CRIM1: variants seen among roughly 807,000 people sequenced by gnomAD.
CRIM1 encodes the protein cysteine-rich motor neuron 1 protein.
A neutral mutation model predicts 116.4 loss-of-function variants in CRIM1; 32 were observed. The observed-to-expected ratio is 0.27, with a 90% CI of 0.21 to 0.37. The LOEUF (loss-of-function observed/expected upper bound fraction) is 0.37, where lower values mean the gene tolerates loss of function less well. Among genes scored for constraint, CRIM1 ranks in the 10% least tolerant of loss-of-function variants. The pLI is 1.00. For missense variants in CRIM1, 1,331 were observed against 1,354.8 expected, an observed-to-expected ratio of 0.98 and a Z score of 0.28; for synonymous variants, 590 against 509.2, an observed-to-expected ratio of 1.16 and a Z score of -2.13.
rs532188809 is a variant in CRIM1 at position 36,530,552 on chromosome 2, T to C, written c.2429-6800T>C. 1.7e-3 allele frequency among the ~76,000 whole-genome samples: 258 copies of C among 152,324 alleles called. 1 individual carries two copies. Among genetic ancestry groups the C allele is most frequent in the African/African-American group, 5.9e-3 (244 of 41,584 alleles). ...TTGTTAGAAAGTGAAATGAAAGTGG[T>C]ATTTTATTCCTTTGTGGCTTAGAGA... On this transcript the variant is annotated intron_variant, in intron 13 of 16. Coordinates refer to ENST00000280527, the MANE Select transcript of CRIM1 (RefSeq NM_016441.3).
chr2:36,357,422 C>T (rs1054510925), intron 1 of CRIM1, among the ~76,000 whole-genome samples: 7 of 152,096 alleles, frequency 4.6e-5, no homozygotes, highest in African/African-American at 1.7e-4. Context: ...GATTGTTCTG[C>T]TGGCTTCTCC....
chr2:36,377,852 C>T (rs1670438557), intron 1 of CRIM1, among the ~76,000 whole-genome samples: 1 of 152,144 alleles, frequency 6.6e-6, no homozygotes, highest in South Asian at 2.1e-4. Context: ...CATTTACTCC[C>T]TGGCTGCTGG....
chr2:36,546,049 T>G (rs1314049510), intron 15 of CRIM1, among the ~76,000 whole-genome samples: 2 of 152,060 alleles, frequency 1.3e-5, no homozygotes, highest in Non-Finnish European at 2.9e-5. Context: ...AAAATCTGAG[T>G]TTTAAACCAC....
chr2:36,396,442 T>C (rs931127995), intron 1 of CRIM1, among the ~76,000 whole-genome samples, 172 bp from the exon 2 acceptor site: 6 of 152,234 alleles, frequency 3.9e-5, no homozygotes, highest in African/African-American at 1.4e-4. Context: ...TTTTCAGTTA[T>C]TATGAAGAGA....
intron 13 of CRIM1, among the ~76,000 whole-genome samples, chr2:36,528,187 C>T (rs143204491): frequency 1.2e-4 from 18 of 152,322 alleles, no homozygotes; most frequent in Admixed American, 1.2e-3. Context: ...CAAATAGATT[C>T]TAGTGTCTCA....
chr2:36,420,179 A>G (rs1030183241), intron 2 of CRIM1, among the ~76,000 whole-genome samples: 19 of 152,002 alleles, frequency 1.2e-4, no homozygotes, highest in Non-Finnish European at 2.5e-4. Flanking sequence ...CCCTCCAGCA[A>G]CCTATGTTAG....
At chr2:36,540,862 C>A (rs1185119832) in intron 14 of CRIM1, among the ~76,000 whole-genome samples, 1 of 152,156 alleles carries the variant, frequency 6.6e-6, no homozygotes, top group Non-Finnish European at 1.5e-5. Context: ...GAGGTCAATT[C>A]ATTCTCCTTG....
chr2:36,517,690 C>G (rs1470975009), intron 12 of CRIM1, 148 bp downstream of exon 12: 6 of 683,192 alleles, frequency 8.8e-6, no homozygotes, highest in Non-Finnish European at 1.5e-5. Context: ...CAGCCTGCTT[C>G]CTGCATGTAT....
chr2:36,359,865 T>C (rs1669105023), intron 1 of CRIM1, among the ~76,000 whole-genome samples: 1 of 152,192 alleles, frequency 6.6e-6, no homozygotes, highest in South Asian at 2.1e-4. Flanking sequence ...GCAGGTCTTT[T>C]TCCTCTTTCC....
At chr2:36,528,442 C>A (rs1473919758) in intron 13 of CRIM1, among the ~76,000 whole-genome samples, 1 of 152,220 alleles carries the variant, frequency 6.6e-6, no homozygotes, top group Non-Finnish European at 1.5e-5. Context: ...ACTGTTCTTT[C>A]ATACCTCTAG....
At chr2:36,484,503 G>T (rs893846911) in intron 7 of CRIM1, among the ~76,000 whole-genome samples, 1 of 152,116 alleles carries the variant, frequency 6.6e-6, no homozygotes, top group African/African-American at 2.4e-5. Context: ...TAACATCCCC[G>T]TGATTACTCA....
At chr2:36,504,385 C>CA (rs1681235758) in intron 8 of CRIM1, among the ~76,000 whole-genome samples, 1 of 152,070 alleles carries the variant, frequency 6.6e-6, no homozygotes, top group Non-Finnish European at 1.5e-5. Flanking sequence ...TGTAAAGAGA[C>CA]AACATAATCT....
chr2:36,439,156 G>A (rs1365949995), intron 2 of CRIM1, among the ~76,000 whole-genome samples: 2 of 152,228 alleles, frequency 1.3e-5, no homozygotes, highest in Non-Finnish European at 1.5e-5. Context: ...GGAAAATTAA[G>A]TGTAGTCATA....
chr2:36,471,045 A>T (rs1200737482), intron 5 of CRIM1, among the ~76,000 whole-genome samples: 1 of 152,216 alleles, frequency 6.6e-6, no homozygotes, highest in Non-Finnish European at 1.5e-5. Flanking sequence ...GGAGCAAGAG[A>T]ACTAGAATTA....
At chr2:36,450,401 G>A (rs1390102993) in intron 4 of CRIM1, among the ~76,000 whole-genome samples, 1 of 152,144 alleles carries the variant, frequency 6.6e-6, no homozygotes, top group Non-Finnish European at 1.5e-5. Flanking sequence ...TATTCATATT[G>A]TTCTTTTCTG....
chr2:36,395,334 G>T (rs1241308013), intron 1 of CRIM1, among the ~76,000 whole-genome samples: 3 of 152,082 alleles, frequency 2.0e-5, no homozygotes. Context: ...ATTTATACCT[G>T]CCTTAGTTTG....
At chr2:36,409,509 C>T (rs1042417159) in intron 2 of CRIM1, among the ~76,000 whole-genome samples, 3 of 152,136 alleles carry the variant, frequency 2.0e-5, no homozygotes, top group African/African-American at 7.2e-5. Flanking sequence ...CTGGGGCTGG[C>T]CCATTGCATA....
intron 9 of CRIM1, among the ~76,000 whole-genome samples, chr2:36,511,836 T>TA (rs1178717044): frequency 7.8e-6 from 1 of 128,916 alleles, no homozygotes; most frequent in Non-Finnish European, 1.6e-5. Context: ...ATGCAGCAGA[T>TA]ACTTCCAGAA....
In CRIM1 at chr2:36,533,400, C is replaced by A. The variant is rs1666250872; in HGVS notation, c.2429-3952C>A. 3.5e-5 allele frequency among the ~76,000 whole-genome samples: 5 copies of A among 144,486 alleles called. No individual in the cohort carries two copies. In the South Asian group the frequency reaches 1.1e-3, roughly 32 times the overall value. The allele number at this position is 144,486 out of a possible 152,430, so 94.8% of individuals were successfully genotyped here. On this transcript the variant is annotated intron_variant, in intron 13 of 16. Transcript: ENST00000280527. ...GGCCAGGAGTTCAAGACCAGCCTGG[C>A]CAACACAATGAGACCCCATCTCCAC...
Sources: allele counts gnomAD v4.1 joint callset (sites outside exome capture counted in the v4.1 genomes callset), GRCh38; gene constraint gnomAD v4.1.1; transcripts MANE v1.5; gene names NCBI Gene and HGNC (gene_info 2026-07-23, HGNC 2026-07-21).